The following MTX2 variants were observed in gnomAD, a reference collection of about 807,000 sequenced individuals.
MTX2 encodes the protein metaxin 2.
A neutral mutation model predicts 42.3 loss-of-function variants in MTX2; 35 were observed. The ratio of observed to expected loss-of-function variants is 0.83; its 90% CI spans 0.63 to 1.10. The LOEUF is 1.10. Among genes scored for constraint, MTX2 ranks in the 50% least tolerant of loss-of-function variants. The pLI, the probability that MTX2 is intolerant of heterozygous loss-of-function variation, is 0.00. For missense variants in MTX2, 307 were observed against 304.1 expected, an observed-to-expected ratio of 1.01 and a Z score of -0.07; for synonymous variants, 119 against 100.9, an observed-to-expected ratio of 1.18 and a Z score of -1.08.
Position 176,326,810 on chromosome 2 carries a change from T to C in MTX2, c.209-15T>C, listed in dbSNP as rs775249846. On this transcript the variant is annotated splice_polypyrimidine_tract_variant and intron_variant, in intron 4 of 9. Coordinates refer to ENST00000249442, the MANE Select transcript of MTX2 (RefSeq NM_006554.5). ...TGGAAGTATTTTTATAAATACTTTT[T>C]TTTTCTCTCAACAGGTAAAGTACCT... 4 of 1,489,646 alleles carry C rather than the reference T, an allele frequency of 2.7e-6. No individual in the cohort carries two copies. Among genetic ancestry groups the C allele is most frequent in the Non-Finnish European group, 1.8e-6 (2 of 1,100,272 alleles). 92.3% of individuals were successfully genotyped at this position (1,489,646 alleles called of 1,614,324 possible).
At chr2:176,293,539 C>G (rs1354744495) in intron 1 of MTX2, among the ~76,000 whole-genome samples, 1 of 152,230 alleles carries the variant, frequency 6.6e-6, no homozygotes, top group African/African-American at 2.4e-5. Context: ...AGTTCTCTCT[C>G]TGTGTTCACA....
chr2:176,294,840 T>A (rs960997184), intron 1 of MTX2, among the ~76,000 whole-genome samples: 2 of 152,090 alleles, frequency 1.3e-5, no homozygotes, highest in Non-Finnish European at 2.9e-5. Context: ...TTTAATACAG[T>A]TTTTGGGGAA....
intron 9 of MTX2, among the ~76,000 whole-genome samples, chr2:176,332,360 GT>G (rs1684882870): frequency 6.6e-6 from 1 of 151,328 alleles, no homozygotes; most frequent in African/African-American, 2.4e-5. Context: ...GAGATACTAT[GT>G]TGAATAGAGC....
At position 176,337,996 on chromosome 2, in the gene MTX2, G is replaced by T. The variant is rs1036802634; in HGVS notation, c.*332G>T. ...AAGTCATTCACTGAATTTTACACAT[G>T]TGGAATAAACAGTGTCTTTTCTAAG... On this transcript the variant is annotated 3_prime_UTR_variant, in exon 10 of 10. Transcript: ENST00000249442. The T allele has an allele frequency of 1.2e-5, 2 of 164,848 alleles. No individual in the cohort carries two copies. The highest frequency in any genetic ancestry group is 1.9e-4 in the South Asian group (1 of 5,296). The allele number at this position is 164,848 out of a possible 1,614,324, so 10.2% of individuals were successfully genotyped here. A position where few individuals can be genotyped will look rare whatever the true frequency, so the allele number is the denominator to read the frequency against.
At chr2:176,301,556 CAG>C (rs1337663353) in intron 3 of MTX2, among the ~76,000 whole-genome samples, 2 of 152,024 alleles carry the variant, frequency 1.3e-5, no homozygotes, top group Non-Finnish European at 2.9e-5. Context: ...GAAGGTAAGG[CAG>C]AGAGGTTAAA....
rs1268251293 is a variant in MTX2 at position 176,329,775 on chromosome 2, T to TG, written c.543+349_543+350insG. On this transcript the variant is annotated intron_variant, in intron 8 of 9. Transcript: ENST00000249442. ...CTACTGTATAACCTGAGGGTTTTTTTTTTTTTTTAATTGAACAATACATTG... is the reference window on the plus strand; with the variant it reads ...CTACTGTATAACCTGAGGGTTTTTTTGTTTTTTTTAATTGAACAATACATTG... 2.0e-5 allele frequency among the ~76,000 whole-genome samples: 3 copies of TG among 150,418 alleles called. 1 individual carries two copies. The highest frequency in any genetic ancestry group is 2.0e-4 in the Admixed American group (3 of 15,058).
chr2:176,331,734 A>G (rs1412320984), intron 9 of MTX2, among the ~76,000 whole-genome samples: 1 of 151,238 alleles, frequency 6.6e-6, no homozygotes, highest in Non-Finnish European at 1.5e-5. Flanking sequence ...TGTTTGCTCT[A>G]CAGATTCTAT....
chr2:176,291,470 G>A (rs1203710263), intron 1 of MTX2, among the ~76,000 whole-genome samples: 1 of 152,142 alleles, frequency 6.6e-6, no homozygotes, highest in Non-Finnish European at 1.5e-5. Flanking sequence ...GATTGATGGT[G>A]CGTATTTTCT....
At chr2:176,294,179 C>CT (rs1443790839) in intron 1 of MTX2, among the ~76,000 whole-genome samples, 2 of 150,504 alleles carry the variant, frequency 1.3e-5, no homozygotes, top group East Asian at 3.9e-4. Context: ...CTTCTTTAGT[C>CT]TTATTTGCAG....
chr2:176,305,317 A>T (rs1040134499), intron 3 of MTX2, among the ~76,000 whole-genome samples: 62 of 152,208 alleles, frequency 4.1e-4, no homozygotes, highest in African/African-American at 1.4e-3. Flanking sequence ...CTTGTAAGTA[A>T]CAAAATTTTA....
Position 176,326,913 on chromosome 2 carries a change from A to T in MTX2, c.285+12A>T, listed in dbSNP as rs1684720386. 7.0e-7 allele frequency: 1 copy of T among 1,434,858 alleles called. No individual in the cohort carries two copies. The highest frequency in any genetic ancestry group is 1.4e-5 in the African/African-American group (1 of 69,634). 88.9% of individuals were successfully genotyped at this position (1,434,858 alleles called of 1,614,324 possible). On this transcript the variant is annotated intron_variant, in intron 5 of 9. Transcript: ENST00000249442. Reference sequence around the variant, plus strand: ...TTGTTAAAGCCAAGGTAATAAAAAGATATTAAATGTATTTGATCAGTTACC... The same window carrying T: ...TTGTTAAAGCCAAGGTAATAAAAAGTTATTAAATGTATTTGATCAGTTACC...
chr2:176,310,750 G>C (rs943767192), intron 3 of MTX2, among the ~76,000 whole-genome samples: 1 of 152,132 alleles, frequency 6.6e-6, no homozygotes, highest in Non-Finnish European at 1.5e-5. Context: ...AGCTCTGTCA[G>C]GTCATTTAAG....
chr2:176,313,541 C>A (rs753288906), intron 3 of MTX2, among the ~76,000 whole-genome samples: 5 of 151,792 alleles, frequency 3.3e-5, no homozygotes, highest in Non-Finnish European at 7.4e-5. Flanking sequence ...TACAGGTGTG[C>A]ACCACCACCA....
chr2:176,293,220 A>G (rs1470573223), intron 1 of MTX2, among the ~76,000 whole-genome samples: 4 of 152,228 alleles, frequency 2.6e-5, no homozygotes, highest in Non-Finnish European at 5.9e-5. Context: ...GCTTTAGAAC[A>G]TTTTAAATGA....
rs767399173 is a variant in MTX2 at position 176,330,614 on chromosome 2, GCT to G, written c.582_583del (p.Gln195LysfsTer11). On this transcript the variant is annotated frameshift_variant, in exon 9 of 10. Coordinates refer to ENST00000249442, the MANE Select transcript of MTX2 (RefSeq NM_006554.5). LOFTEE classifies it high-confidence loss of function. ...VLEDVDQCCQALSQRLGTQPY... is the reference protein window; with the variant it reads ...VLEDVDQCCQXLSQRLGTQPY... ...AGAGGATGTAGACCAGTGCTGTCAA[GCT>G]CTCTCTCAAAGACTGGGAACACAAC... 5 of 1,595,116 alleles carry G rather than the reference GCT, an allele frequency of 3.1e-6. No individual in the cohort carries two copies. In the Admixed American group the frequency reaches 6.7e-5, roughly 21 times the overall value.
intron 3 of MTX2, among the ~76,000 whole-genome samples, chr2:176,318,874 A>G (rs1462218467): frequency 1.3e-5 from 2 of 152,210 alleles, no homozygotes; most frequent in African/African-American, 4.8e-5. Flanking sequence ...CAATAAATAC[A>G]GTAGCCACTA....
intron 1 of MTX2, among the ~76,000 whole-genome samples, chr2:176,274,518 A>C (rs1443490174): frequency 2.6e-5 from 4 of 152,204 alleles, no homozygotes; most frequent in Non-Finnish European, 4.4e-5. Context: ...CCAGAGAAGC[A>C]GAAGTACCAG....
At chr2:176,309,720 C>CTTTT (rs745705028) in intron 3 of MTX2, among the ~76,000 whole-genome samples, 5 of 98,558 alleles carry the variant, frequency 5.1e-5, no homozygotes, top group South Asian at 3.2e-4. Flanking sequence ...GCAACCTCTG[C>CTTTT]TTTTTTTTTT....
chr2:176,269,676 CGG>C lies in MTX2; in HGVS notation c.40+8_40+9del. The C allele has an allele frequency of 6.3e-7, 1 of 1,592,966 alleles. No individual in the cohort carries two copies. Among genetic ancestry groups the C allele is most frequent in the Admixed American group, 1.7e-5 (1 of 58,208 alleles). On this transcript the variant is annotated splice_region_variant and intron_variant, in intron 1 of 9. Coordinates refer to ENST00000249442, the MANE Select transcript of MTX2 (RefSeq NM_006554.5). Reference sequence around the variant, plus strand: ...TTCGTCTCCCAGATTGCAGGTAGCGCGGCTGGCCGCAGACCCAGAAGGTGGCG... The same window carrying C: ...TTCGTCTCCCAGATTGCAGGTAGCGCCTGGCCGCAGACCCAGAAGGTGGCG...
Sources: allele counts gnomAD v4.1 joint callset (sites outside exome capture counted in the v4.1 genomes callset), GRCh38; gene constraint gnomAD v4.1.1; transcripts MANE v1.5; gene names NCBI Gene and HGNC (gene_info 2026-07-23, HGNC 2026-07-21).